Variants in COL26A1 observed in about 807,000 individuals in gnomAD.
COL26A1 encodes collagen alpha-1(XXVI) chain.
A neutral mutation model predicts 59.3 loss-of-function variants in COL26A1; 41 were observed. The ratio of observed to expected loss-of-function variants is 0.69; its 90% CI spans 0.54 to 0.90. The LOEUF (loss-of-function observed/expected upper bound fraction) is 0.90. Ranked by LOEUF, COL26A1 falls within the 40% of genes least tolerant of loss-of-function variation. The pLI is 0.00. For synonymous variants in COL26A1, 266 were observed against 256.0 expected (o/e 1.04, Z -0.37); for missense variants, 612 against 602.3 (o/e 1.02, Z -0.17).
chr7:101,429,465 T>C (rs1352280296), intron 2 of COL26A1, among the ~76,000 whole-genome samples: 1 of 152,096 alleles, frequency 6.6e-6, no homozygotes, highest in African/African-American at 2.4e-5. Flanking sequence ...TTCTGGTCCA[T>C]TGATCTGTGT....
chr7:101,551,175 C>T (rs1040379083), intron 10 of COL26A1, 32 bp downstream of exon 10: 5 of 1,540,538 alleles, frequency 3.2e-6, no homozygotes, highest in African/African-American at 1.4e-5. Flanking sequence ...GGGCCTGGGC[C>T]ACTCCCAGGC....
chr7:101,397,477 T>TTCCTTCTCCTTTCCTTC (rs149834123), intron 1 of COL26A1, among the ~76,000 whole-genome samples: 27,679 of 140,774 alleles, frequency 0.2, 4,249 homozygotes, highest in African/African-American at 0.42. Flanking sequence ...CCTTCCTTCC[T>TTCCTTCTCCTTTCCTTC]TCCTTCTCCT....
chr7:101,554,018 C>G (rs145563179), intron 11 of COL26A1, among the ~76,000 whole-genome samples: 24 of 151,750 alleles, frequency 1.6e-4, no homozygotes, highest in Non-Finnish European at 3.1e-4. Flanking sequence ...GGTCCAAAGT[C>G]AAATTCCTCC....
At chr7:101,537,320 GAC>G (rs1336634365) in intron 4 of COL26A1, among the ~76,000 whole-genome samples, 1 of 152,156 alleles carries the variant, frequency 6.6e-6, no homozygotes, top group Non-Finnish European at 1.5e-5. Flanking sequence ...TGACCTCATG[GAC>G]CACAAACAGT....
chr7:101,397,012 G>T (rs565005028), intron 1 of COL26A1, among the ~76,000 whole-genome samples: 1 of 152,302 alleles, frequency 6.6e-6, no homozygotes, highest in African/African-American at 2.4e-5. Flanking sequence ...GAGGAGCAAA[G>T]ACAGGCTCCA....
intron 3 of COL26A1, among the ~76,000 whole-genome samples, chr7:101,489,577 A>C (rs961736254): frequency 6.6e-6 from 1 of 151,310 alleles, no homozygotes; most frequent in Non-Finnish European, 1.5e-5. Context: ...GGTATGCACC[A>C]CCACACTCGG....
At chr7:101,499,220 A>G (rs926811499) in intron 3 of COL26A1, among the ~76,000 whole-genome samples, 2 of 152,052 alleles carry the variant, frequency 1.3e-5, no homozygotes, top group Non-Finnish European at 2.9e-5. Flanking sequence ...CAGCCATCAC[A>G]AGGTGGGCGT....
At chr7:101,545,283 G>A in intron 6 of COL26A1, 55 bp from the exon 7 acceptor site, 1 of 1,490,054 alleles carries the variant, frequency 6.7e-7, no homozygotes, top group Admixed American at 2.5e-5. Flanking sequence ...TTTGTAAGTT[G>A]CAGCCACCCG....
At chr7:101,482,652 T>C (rs1337028905) in intron 3 of COL26A1, among the ~76,000 whole-genome samples, 1 of 152,156 alleles carries the variant, frequency 6.6e-6, no homozygotes, top group Non-Finnish European at 1.5e-5. Flanking sequence ...TGTGCAGTGC[T>C]GGTCAGTGGC....
intron 1 of COL26A1, among the ~76,000 whole-genome samples, chr7:101,396,470 C>CTT (rs201290132): frequency 3.4e-5 from 5 of 148,956 alleles, no homozygotes; most frequent in African/African-American, 1.2e-4. Context: ...TTAAGCATTT[C>CTT]TTTTTTTTTT....
At chr7:101,524,990 G>A (rs917029436) in intron 3 of COL26A1, among the ~76,000 whole-genome samples, 1 of 152,062 alleles carries the variant, frequency 6.6e-6, no homozygotes, top group East Asian at 1.9e-4. Context: ...CTTTGTCCAT[G>A]CCCAGTCATG....
chr7:101,531,579 G>A (rs1217340552), intron 3 of COL26A1, among the ~76,000 whole-genome samples: 17 of 152,126 alleles, frequency 1.1e-4, no homozygotes, highest in Admixed American at 1.1e-3. Context: ...AGAAGGGAGG[G>A]AAGGAGGGAG....
chr7:101,460,139 C>T (rs927317844), intron 3 of COL26A1, among the ~76,000 whole-genome samples: 2 of 152,132 alleles, frequency 1.3e-5, no homozygotes, highest in African/African-American at 4.8e-5. Context: ...GTGCATAGCA[C>T]GTTCCGGGCG....
chr7:101,496,340 G>A (rs555020851), intron 3 of COL26A1, among the ~76,000 whole-genome samples: 2 of 152,334 alleles, frequency 1.3e-5, no homozygotes, highest in East Asian at 1.9e-4. Context: ...CCAAGACACC[G>A]GATTGCAGCA....
At chr7:101,438,201 A>C (rs1234174363) in intron 2 of COL26A1, among the ~76,000 whole-genome samples, 1 of 151,304 alleles carries the variant, frequency 6.6e-6, no homozygotes, top group African/African-American at 2.4e-5. Context: ...ATATCTACTA[A>C]AAATACAAAA....
intron 1 of COL26A1, among the ~76,000 whole-genome samples, chr7:101,402,798 T>TCCTCTCC (rs1299365437): frequency 9.2e-6 from 1 of 109,170 alleles, no homozygotes; most frequent in Non-Finnish European, 1.7e-5. Flanking sequence ...GTCCTTTCCC[T>TCCTCTCC]CCTCTCCCCT....
chr7:101,552,331 C>T (rs748560558), intron 10 of COL26A1, among the ~76,000 whole-genome samples: 1 of 152,166 alleles, frequency 6.6e-6, no homozygotes, highest in African/African-American at 2.4e-5. Flanking sequence ...GTGAGCTGGG[C>T]ATGGTGGTGG....
chr7:101,456,464 A>C (rs572798446), intron 3 of COL26A1, among the ~76,000 whole-genome samples: 1 of 152,022 alleles, frequency 6.6e-6, no homozygotes, highest in East Asian at 1.9e-4. Flanking sequence ...CGGGAGTTCG[A>C]GACCAGCCTG....
intron 3 of COL26A1, among the ~76,000 whole-genome samples, chr7:101,481,460 A>G (rs1316961169): frequency 6.7e-6 from 1 of 149,040 alleles, no homozygotes; most frequent in Non-Finnish European, 1.5e-5. Flanking sequence ...ATATATATAT[A>G]TATATATAAT....
Sources: allele counts gnomAD v4.1 joint callset (sites outside exome capture counted in the v4.1 genomes callset), GRCh38; gene constraint gnomAD v4.1.1; transcripts MANE v1.5; gene names NCBI Gene and HGNC (gene_info 2026-07-23, HGNC 2026-07-21).